The following MBD2 variants were observed in gnomAD, a reference collection of about 807,000 sequenced individuals.
The protein encoded by MBD2 is methyl-CpG binding domain protein 2.
In MBD2, 9 loss-of-function variants were observed where a neutral mutation model predicts 39.3. That is an observed-to-expected ratio of 0.23 (90% CI 0.14 to 0.40). The LOEUF is 0.40. MBD2 is among the 10% of genes least tolerant of loss of function. The pLI is 1.00. For synonymous variants in MBD2, 233 were observed against 211.1 expected (o/e 1.10, Z -0.90); for missense variants, 458 against 532.6 (o/e 0.86, Z 1.38).
intron 2 of MBD2, among the ~76,000 whole-genome samples, chr18:54,203,595 C>T (rs926935336): frequency 4.6e-5 from 7 of 152,170 alleles, no homozygotes; most frequent in Middle Eastern, 3.2e-3. Context: ...AAAACCAATG[C>T]GAGGTATGAT....
At chr18:54,198,977 CAT>C (rs1417292153) in intron 2 of MBD2, among the ~76,000 whole-genome samples, 1 of 152,154 alleles carries the variant, frequency 6.6e-6, no homozygotes, top group Non-Finnish European at 1.5e-5. Flanking sequence ...TGTATGTGTA[CAT>C]GTTTGTAAAT....
chr18:54,224,608 T>C lies in MBD2; in HGVS notation c.-49A>G, dbSNP rs1355117752. 3 of 1,204,858 alleles carry C rather than the reference T, an allele frequency of 2.5e-6. No individual in the cohort carries two copies. The East Asian group carries it at 9.6e-5, about 38-fold the overall frequency. 74.6% of individuals were successfully genotyped at this position (1,204,858 alleles called of 1,614,324 possible). A position where few individuals can be genotyped will look rare whatever the true frequency, so the allele number is the denominator to read the frequency against. On this transcript the variant is annotated 5_prime_UTR_variant, in exon 1 of 7. Coordinates refer to ENST00000256429, the MANE Select transcript of MBD2 (RefSeq NM_003927.5). Reference sequence around the variant, plus strand: ...TGCGCTTCTTCCGTAACCGAGCCCTTGGAATCCCGGAGACCCGCCCCGCCC... The same window carrying C: ...TGCGCTTCTTCCGTAACCGAGCCCTCGGAATCCCGGAGACCCGCCCCGCCC...
chr18:54,190,912 A>G (rs1474503187), intron 2 of MBD2, among the ~76,000 whole-genome samples: 1 of 152,246 alleles, frequency 6.6e-6, no homozygotes, highest in African/African-American at 2.4e-5. Flanking sequence ...AATGTGGCAC[A>G]GAATTGCTAT....
At chr18:54,170,661 T>A (rs1218107206) in intron 3 of MBD2, among the ~76,000 whole-genome samples, 1 of 152,196 alleles carries the variant, frequency 6.6e-6, no homozygotes, top group Non-Finnish European at 1.5e-5. Flanking sequence ...TTTCTTGCAC[T>A]GGGGATGCTT....
intron 6 of MBD2, among the ~76,000 whole-genome samples, chr18:54,159,096 G>T (rs1003089680): frequency 2.0e-5 from 3 of 152,150 alleles, no homozygotes; most frequent in African/African-American, 7.2e-5. Context: ...ATGCTACTGT[G>T]ATGGAGATGA....
rs2086044342 is a variant in MBD2, at chr18:54,155,291, G to A, written c.*33C>T. 1 of 149,920 alleles carries A rather than the reference G, an allele frequency of 6.7e-6. No individual in the cohort carries two copies. The highest frequency in any genetic ancestry group is 2.1e-4 in the South Asian group (1 of 4,656). 9.3% of individuals were successfully genotyped at this position (149,920 alleles called of 1,614,324 possible). A position where few individuals can be genotyped will look rare whatever the true frequency, so the allele number is the denominator to read the frequency against. ...TCAATTTCTAGGAATTTTCTCTTGG[G>A]GAAAGTCGGTCGAAAGTTACCTGTT... On this transcript the variant is annotated 3_prime_UTR_variant, in exon 7 of 7. Transcript: ENST00000256429.
rs2086039729 is a variant in MBD2 at position 54,154,459 on chromosome 18, G to C, written c.*865C>G. On this transcript the variant is annotated 3_prime_UTR_variant, in exon 7 of 7. Coordinates refer to ENST00000256429, the MANE Select transcript of MBD2 (RefSeq NM_003927.5). Reference sequence around the variant, plus strand: ...TAACTCAGTAAGCTAGTGGACGTTAGAGAGTGCCAAACATTCTTTAAAAAA... The same window carrying C: ...TAACTCAGTAAGCTAGTGGACGTTACAGAGTGCCAAACATTCTTTAAAAAA... 6.6e-6 allele frequency: 1 copy of C among 152,174 alleles called. No individual in the cohort carries two copies. Among genetic ancestry groups the C allele is most frequent in the Non-Finnish European group, 1.5e-5 (1 of 68,036 alleles). 9.4% of individuals were successfully genotyped at this position (152,174 alleles called of 1,614,324 possible).
At chr18:54,211,794 T>C (rs1346819295) in intron 1 of MBD2, among the ~76,000 whole-genome samples, 2 of 152,210 alleles carry the variant, frequency 1.3e-5, no homozygotes, top group Admixed American at 1.3e-4. Context: ...TCAGTGGACT[T>C]TTACCCCATA....
At chr18:54,187,793 G>T (rs960023341) in intron 3 of MBD2, 2 of 985,828 alleles carry the variant, frequency 2.0e-6, no homozygotes, top group African/African-American at 1.7e-5. Flanking sequence ...ATAGCAAGAT[G>T]CTGATCCAAT....
intron 1 of MBD2, among the ~76,000 whole-genome samples, chr18:54,208,360 C>T (rs770144120): frequency 2.0e-4 from 30 of 152,022 alleles, no homozygotes; most frequent in Admixed American, 3.3e-4. Context: ...GGCGTTGTGA[C>T]GCATGCCTCT....
chr18:54,214,032 A>G (rs1324575997), intron 1 of MBD2, among the ~76,000 whole-genome samples: 3 of 146,302 alleles, frequency 2.1e-5, no homozygotes, highest in African/African-American at 7.6e-5. Context: ...AACAACAAAC[A>G]TTGCCTGATA....
intron 3 of MBD2, among the ~76,000 whole-genome samples, chr18:54,171,074 G>A (rs769403436): frequency 3.3e-5 from 5 of 151,622 alleles, no homozygotes; most frequent in Non-Finnish European, 7.4e-5. Flanking sequence ...ATGCAGGTTC[G>A]AGTTATGAGA....
chr18:54,172,161 T>C (rs1007322117), intron 3 of MBD2, among the ~76,000 whole-genome samples: 3 of 152,240 alleles, frequency 2.0e-5, no homozygotes, highest in Non-Finnish European at 2.9e-5. Context: ...TTAGGCAGAA[T>C]TGAGAAGACA....
intron 1 of MBD2, among the ~76,000 whole-genome samples, chr18:54,216,794 G>A (rs565314663): frequency 6.4e-4 from 97 of 152,196 alleles, no homozygotes; most frequent in African/African-American, 2.1e-3. Context: ...TGGGCCAGGC[G>A]CGGTGGCTCA....
At chr18:54,160,910 G>A (rs8090480) in intron 5 of MBD2, among the ~76,000 whole-genome samples, 65,973 of 151,312 alleles carry the variant, frequency 0.44, 14,937 homozygotes, top group African/African-American at 0.54. Flanking sequence ...CCAGAAGAAA[G>A]GAGATAAGGA....
intron 3 of MBD2, among the ~76,000 whole-genome samples, chr18:54,187,379 C>T (rs1297684488): frequency 6.6e-6 from 1 of 152,124 alleles, no homozygotes; most frequent in African/African-American, 2.4e-5. Flanking sequence ...TCAAAATTCT[C>T]AATTAATAAA....
rs2086300895 is a variant in MBD2, at chr18:54,188,916, T to C, written c.798A>G (p.Lys266=). ...TCATTCGTTGTGGGTCTGATTTCAC[T>C]TTATTACTAGGATGATTTGTGACTT... ...VTKVTNHPSN[K]VKSDPQRMNE... The change falls in exon 3 of 7, where the codon AAA becomes AAG. Residue 266 remains lysine (K), a synonymous_variant. Transcript: ENST00000256429. 6.2e-7 allele frequency: 1 copy of C among 1,610,100 alleles called. No individual in the cohort carries two copies. The highest frequency in any genetic ancestry group is 1.3e-5 in the African/African-American group (1 of 75,028).
rs573454995 is a variant in MBD2 at position 54,218,289 on chromosome 18, AT to A, written c.542+5728del. Among the ~76,000 whole-genome samples, 25 of 152,166 alleles carry A rather than the reference AT, an allele frequency of 1.6e-4. No individual in the cohort carries two copies. The East Asian group carries it at 4.4e-3, about 27-fold the overall frequency. On this transcript the variant is annotated intron_variant, in intron 1 of 6. Coordinates refer to ENST00000256429, the MANE Select transcript of MBD2 (RefSeq NM_003927.5). Reference sequence around the variant, plus strand: ...TGCTTTAATTATGTGGATTTATTACATTTTTTTCCCCTCCAGGATTATTTAA... The same window carrying A: ...TGCTTTAATTATGTGGATTTATTACATTTTTTCCCCTCCAGGATTATTTAA...
At chr18:54,173,312 A>T (rs2086190864) in intron 3 of MBD2, among the ~76,000 whole-genome samples, 1 of 151,586 alleles carries the variant, frequency 6.6e-6, no homozygotes, top group Non-Finnish European at 1.5e-5. Flanking sequence ...GCCTCTTGTT[A>T]AAAAAAAATT....
Sources: allele counts gnomAD v4.1 joint callset (sites outside exome capture counted in the v4.1 genomes callset), GRCh38; gene constraint gnomAD v4.1.1; transcripts MANE v1.5; gene names NCBI Gene and HGNC (gene_info 2026-07-23, HGNC 2026-07-21).